The following RBMS1 variants were observed in gnomAD, a reference collection of about 807,000 sequenced individuals.
RBMS1 encodes RNA binding motif single stranded interacting protein 1.
A neutral mutation model predicts 62.3 loss-of-function variants in RBMS1; 17 were observed. The observed-to-expected ratio is 0.27, with a 90% CI of 0.19 to 0.41. The LOEUF is 0.41. RBMS1 is among the 10% of genes least tolerant of loss of function. The pLI, the probability that RBMS1 is intolerant of heterozygous loss-of-function variation, is 1.00. For missense variants in RBMS1, 334 were observed against 504.5 expected (o/e 0.66, Z 3.24); for synonymous variants, 172 against 170.0 (o/e 1.01, Z -0.09).
intron 1 of RBMS1, among the ~76,000 whole-genome samples, chr2:160,487,898 A>G (rs1685660510): frequency 6.6e-6 from 1 of 152,086 alleles, no homozygotes; most frequent in African/African-American, 2.4e-5. Flanking sequence ...TTTTTCTCTC[A>G]TCATTTTGAC....
rs1685954944 is a variant in RBMS1, at chr2:160,493,476, G to GCT, written c.-114_-113insAG. 1 of 872,412 alleles carries GCT rather than the reference G, an allele frequency of 1.1e-6. No individual in the cohort carries two copies. Among genetic ancestry groups the GCT allele is most frequent in the African/African-American group, 1.7e-5 (1 of 58,514 alleles). 54.0% of individuals were successfully genotyped at this position (872,412 alleles called of 1,614,324 possible). On this transcript the variant is annotated 5_prime_UTR_variant, in exon 1 of 14. Coordinates refer to ENST00000348849, the MANE Select transcript of RBMS1 (RefSeq NM_016836.4). ...CGGCGGCAGCGGCGGCGGCGGCGGC[G>GCT]GCTGCTGCTGCTGCCGCTGCTCCAC...
At chr2:160,342,950 A>T (rs545703867) in intron 2 of RBMS1, among the ~76,000 whole-genome samples, 3 of 152,188 alleles carry the variant, frequency 2.0e-5, no homozygotes, top group Non-Finnish European at 2.9e-5. Context: ...AACAAACAAA[A>T]ACAAAAAGAA....
At chr2:160,404,010 T>C (rs1349016621) in intron 1 of RBMS1, among the ~76,000 whole-genome samples, 8 of 152,256 alleles carry the variant, frequency 5.3e-5, no homozygotes, top group Non-Finnish European at 7.3e-5. Flanking sequence ...ACAAAAGTCC[T>C]GATAAATGGT....
chr2:160,338,991 G>A (rs1307547704), intron 2 of RBMS1, among the ~76,000 whole-genome samples: 2 of 152,168 alleles, frequency 1.3e-5, no homozygotes, highest in African/African-American at 2.4e-5. Context: ...AGAGAACACT[G>A]AGGCCAGGAA....
At chr2:160,336,188 T>C (rs767370696) in intron 2 of RBMS1, among the ~76,000 whole-genome samples, 16 of 152,168 alleles carry the variant, frequency 1.1e-4, no homozygotes, top group Non-Finnish European at 1.8e-4. Context: ...TAAGAGCAAA[T>C]TGGTTATACC....
chr2:160,323,131 C>A (rs1000304948), intron 2 of RBMS1, among the ~76,000 whole-genome samples: 1 of 152,012 alleles, frequency 6.6e-6, no homozygotes, highest in East Asian at 1.9e-4. Flanking sequence ...CATAAAGCAA[C>A]CAGATCTTCA....
chr2:160,479,186 G>T (rs1685262650), intron 1 of RBMS1, among the ~76,000 whole-genome samples: 1 of 152,166 alleles, frequency 6.6e-6, no homozygotes, highest in South Asian at 2.1e-4. Flanking sequence ...GAGGGTTTTG[G>T]CCCCACAGCC....
intron 2 of RBMS1, among the ~76,000 whole-genome samples, chr2:160,343,083 C>A (rs561014225): frequency 1.3e-5 from 2 of 152,256 alleles, no homozygotes; most frequent in South Asian, 4.1e-4. Context: ...ACTTCCATTA[C>A]AGACCACATC....
At chr2:160,313,507 T>C (rs915274898) in intron 3 of RBMS1, among the ~76,000 whole-genome samples, 1 of 151,960 alleles carries the variant, frequency 6.6e-6, no homozygotes, top group African/African-American at 2.4e-5. Context: ...CTTACGTGTC[T>C]TGTATTTACT....
At chr2:160,405,230 G>T (rs1695636571) in intron 1 of RBMS1, among the ~76,000 whole-genome samples, 1 of 150,446 alleles carries the variant, frequency 6.6e-6, no homozygotes, top group South Asian at 2.1e-4. Context: ...TTTTCCAAAG[G>T]TGACTGTAAA....
chr2:160,407,655 T>A, intron 1 of RBMS1: 2 of 981,416 alleles, frequency 2.0e-6, no homozygotes, highest in Non-Finnish European at 2.4e-6. Context: ...GGGAACTCCC[T>A]CTCGCCGCGC....
At chr2:160,317,998 C>A (rs1423692019) in intron 3 of RBMS1, among the ~76,000 whole-genome samples, 171 bp downstream of exon 3, 13 of 151,982 alleles carry the variant, frequency 8.6e-5, no homozygotes, top group Non-Finnish European at 1.5e-4. Flanking sequence ...CAAAACCCAA[C>A]CAGGGACAAA....
intron 1 of RBMS1, among the ~76,000 whole-genome samples, chr2:160,487,121 A>C (rs897838626): frequency 6.6e-6 from 1 of 152,212 alleles, no homozygotes; most frequent in African/African-American, 2.4e-5. Flanking sequence ...AATTCTAAGT[A>C]CTCTTAAAAG....
In RBMS1 at chr2:160,277,322, G is replaced by T. The variant is rs765383198; in HGVS notation, c.1124C>A (p.Thr375Lys). 2 of 1,612,662 alleles carry T rather than the reference G, an allele frequency of 1.2e-6. No homozygotes were observed. Among genetic ancestry groups the T allele is most frequent in the Non-Finnish European group, 1.7e-6 (2 of 1,178,740 alleles). The change falls in exon 12 of 14, where the codon ACG becomes AAG. Residue 375 changes from threonine (T) to lysine (K), a missense_variant. Coordinates refer to ENST00000348849, the MANE Select transcript of RBMS1 (RefSeq NM_016836.4). ...ACCAACCTCAACAGGAACCGCTGTCGTCTGCATATGTGCATACTGTGGCAA... is the reference window on the plus strand; with the variant it reads ...ACCAACCTCAACAGGAACCGCTGTCTTCTGCATATGTGCATACTGTGGCAA... ...AYLPQYAHMQ[T>K]TAVPVEEASG...
intron 2 of RBMS1, among the ~76,000 whole-genome samples, chr2:160,361,345 C>T (rs768134243): frequency 6.6e-6 from 1 of 152,224 alleles, no homozygotes; most frequent in Non-Finnish European, 1.5e-5. Context: ...ATCTTGCACA[C>T]CTATGCTATT....
At chr2:160,361,754 G>T (rs1693142129) in intron 2 of RBMS1, among the ~76,000 whole-genome samples, 1 of 152,178 alleles carries the variant, frequency 6.6e-6, no homozygotes, top group Non-Finnish European at 1.5e-5. Context: ...GGAGTTCAAG[G>T]CTGCAGTGCA....
chr2:160,475,305 A>G (rs1685077919), intron 1 of RBMS1, among the ~76,000 whole-genome samples: 1 of 152,188 alleles, frequency 6.6e-6, no homozygotes, highest in African/African-American at 2.4e-5. Flanking sequence ...GGCCGACCAC[A>G]GGCCCTGCAT....
At chr2:160,449,176 G>A (rs996430787) in intron 1 of RBMS1, among the ~76,000 whole-genome samples, 13 of 151,588 alleles carry the variant, frequency 8.6e-5, no homozygotes, top group Non-Finnish European at 1.5e-4. Context: ...GTCTCCGCCG[G>A]GCAGCCGCAC....
chr2:160,453,355 T>A (rs1286109286), intron 1 of RBMS1, among the ~76,000 whole-genome samples: 3 of 152,160 alleles, frequency 2.0e-5, no homozygotes, highest in Non-Finnish European at 4.4e-5. Context: ...AAGTTTCCCC[T>A]GTCATCCTTA....
Sources: gnomAD v4.1 joint callset for allele counts (sites outside exome capture counted in the v4.1 genomes callset) on GRCh38, gnomAD v4.1.1 for gene constraint, MANE v1.5 for transcripts, NCBI Gene and HGNC (gene_info 2026-07-23, HGNC 2026-07-21) for gene names.